Variants in MEIKIN observed in about 807,000 individuals in gnomAD.
The protein encoded by MEIKIN is meiosis-specific kinetochore protein.
chr5:131,813,575 C>T (rs1358005098), intron 12 of MEIKIN, among the ~76,000 whole-genome samples: 6 of 151,840 alleles, frequency 4.0e-5, no homozygotes, highest in Non-Finnish European at 5.9e-5. Context: ...TACAGGCACC[C>T]GCCACCATGC....
chr5:131,872,785 C>T (rs1329338364), intron 9 of MEIKIN, among the ~76,000 whole-genome samples: 2 of 152,228 alleles, frequency 1.3e-5, no homozygotes, highest in Non-Finnish European at 2.9e-5. Flanking sequence ...GCCCATCAGA[C>T]TAACAGCTGA....
chr5:131,877,510 G>C (rs567176033), intron 9 of MEIKIN, among the ~76,000 whole-genome samples: 12 of 152,248 alleles, frequency 7.9e-5, no homozygotes, highest in Non-Finnish European at 1.6e-4. Flanking sequence ...ATTTGTGGCA[G>C]TGTGTGCCTG....
At chr5:131,848,161 T>C (rs1349860802) in intron 11 of MEIKIN, among the ~76,000 whole-genome samples, 1 of 151,730 alleles carries the variant, frequency 6.6e-6, no homozygotes, top group Non-Finnish European at 1.5e-5. Flanking sequence ...AGCAGAAGGA[T>C]GGAAATAATA....
At chr5:131,836,231 C>CT (rs548895223) in intron 11 of MEIKIN, among the ~76,000 whole-genome samples, 2 of 152,110 alleles carry the variant, frequency 1.3e-5, no homozygotes, top group African/African-American at 2.4e-5. Context: ...TGATCTCATT[C>CT]TTTTTTTATG....
chr5:131,836,709 G>A (rs1396398685), intron 11 of MEIKIN, among the ~76,000 whole-genome samples: 2 of 149,042 alleles, frequency 1.3e-5, no homozygotes, highest in South Asian at 2.1e-4. Flanking sequence ...TCTTAAAAGT[G>A]TCTGTGCATG....
intron 8 of MEIKIN, among the ~76,000 whole-genome samples, chr5:131,891,309 C>G (rs2149634209): frequency 6.6e-6 from 1 of 152,246 alleles, no homozygotes; most frequent in African/African-American, 2.4e-5. Flanking sequence ...CTAATGTTGT[C>G]AGTGGGTTGT....
chr5:131,842,288 T>A (rs2149611691), intron 11 of MEIKIN, among the ~76,000 whole-genome samples: 1 of 152,314 alleles, frequency 6.6e-6, no homozygotes, highest in South Asian at 2.1e-4. Context: ...ATGTGGATGC[T>A]TTTTATTTCT....
chr5:131,866,312 G>T (rs1262486473), intron 9 of MEIKIN, among the ~76,000 whole-genome samples: 1 of 152,218 alleles, frequency 6.6e-6, no homozygotes, highest in African/African-American at 2.4e-5. Flanking sequence ...GGTGTACCGG[G>T]CTGGGTGATC....
intron 11 of MEIKIN, among the ~76,000 whole-genome samples, chr5:131,840,998 A>C (rs1749898667): frequency 6.6e-6 from 1 of 151,768 alleles, no homozygotes; most frequent in African/African-American, 2.4e-5. Flanking sequence ...TCAGTTTTTG[A>C]AGTTGCTGTT....
rs1363867215 is a variant in MEIKIN, at chr5:131,838,541, CAG to C, written c.975+12721_975+12722del. Among the ~76,000 whole-genome samples, 18 of 148,492 alleles carry C rather than the reference CAG, an allele frequency of 1.2e-4. No individual in the cohort carries two copies. In the Admixed American group the frequency reaches 1.2e-3, roughly 10 times the overall value. On this transcript the variant is annotated intron_variant, in intron 11 of 12. Coordinates refer to ENST00000442687, the MANE Select transcript of MEIKIN (RefSeq NM_001303622.2). ...TTCAGGAAATCATTATTCATCTGTT[CAG>C]AGATTCAATTTCTTCCTGGTTCAGG... is the stretch of plus-strand genomic sequence containing the variant.
intron 8 of MEIKIN, among the ~76,000 whole-genome samples, chr5:131,897,396 G>C (rs182871385): frequency 6.6e-6 from 1 of 152,124 alleles, no homozygotes; most frequent in African/African-American, 2.4e-5. Context: ...GTATCTTTGT[G>C]GTGTTCTCTG....
rs1053159325 is a variant in MEIKIN, at chr5:131,807,264, G to T, written c.1100-6C>A. The T allele has an allele frequency of 1.8e-5, 7 of 383,644 alleles. No individual in the cohort carries two copies. Among genetic ancestry groups the T allele is most frequent in the African/African-American group, 1.5e-4 (7 of 47,784 alleles). The allele number at this position is 383,644 out of a possible 1,614,324, so 23.8% of individuals were successfully genotyped here. ...TGCCATTTTTATTATGATATCTGGA[G>T]AAAAAAAAATAACAATAGATTACTT... On this transcript the variant is annotated splice_region_variant and splice_polypyrimidine_tract_variant and intron_variant, in intron 12 of 12. Transcript: ENST00000442687.
At position 131,807,149 on chromosome 5, in the gene MEIKIN, A is replaced by G; in HGVS notation, c.*87T>C. On this transcript the variant is annotated 3_prime_UTR_variant, in exon 13 of 13. Transcript: ENST00000442687. ...GAGAATTTTTAATTTTTAATTTCAT[A>G]TAATTTCAGGCAGACATTCTGCTTT... The G allele has an allele frequency of 1.3e-5, 5 of 398,206 alleles. No individual in the cohort carries two copies. The East Asian group carries it at 1.8e-4, about 14-fold the overall frequency. 24.7% of individuals were successfully genotyped at this position (398,206 alleles called of 1,614,324 possible).
intron 11 of MEIKIN, among the ~76,000 whole-genome samples, chr5:131,827,857 T>C (rs962895179): frequency 3.3e-5 from 5 of 152,048 alleles, no homozygotes; most frequent in Admixed American, 3.3e-4. Context: ...AAATTGACCA[T>C]GTATTAGGCT....
intron 7 of MEIKIN, among the ~76,000 whole-genome samples, chr5:131,914,567 G>A (rs1479591405): frequency 3.1e-5 from 2 of 64,812 alleles, no homozygotes; most frequent in Non-Finnish European, 6.1e-5. Context: ...AGGGAAGGGG[G>A]AAGAGAAGGG....
chr5:131,926,067 C>T (rs1301320263), intron 5 of MEIKIN, among the ~76,000 whole-genome samples: 1 of 151,940 alleles, frequency 6.6e-6, no homozygotes, highest in African/African-American at 2.4e-5. Flanking sequence ...TTTTTGTTGC[C>T]TAATTGCTGT....
Position 131,893,160 on chromosome 5 carries a change from T to C in MEIKIN, c.704-14112A>G, listed in dbSNP as rs191314153. 4.8e-3 allele frequency among the ~76,000 whole-genome samples: 712 copies of C among 148,838 alleles called. 9 individuals carry two copies. Among genetic ancestry groups the C allele is most frequent in the African/African-American group, 0.016 (676 of 41,394 alleles). On this transcript the variant is annotated intron_variant, in intron 8 of 12. Coordinates refer to ENST00000442687, the MANE Select transcript of MEIKIN (RefSeq NM_001303622.2). ...TAAGTCTGCAGAGGTTACTGCTGCG[T>C]TTTGTTTGTCTGTGCCCTGTCCCCA...
chr5:131,928,231 T>C (rs1015982863), intron 5 of MEIKIN, among the ~76,000 whole-genome samples: 1 of 151,882 alleles, frequency 6.6e-6, no homozygotes, highest in Non-Finnish European at 1.5e-5. Flanking sequence ...AGTCACTCTG[T>C]GTTTTGATTG....
intron 4 of MEIKIN, among the ~76,000 whole-genome samples, chr5:131,937,596 G>A (rs1751802497): frequency 6.6e-6 from 1 of 151,642 alleles, no homozygotes; most frequent in Admixed American, 6.6e-5. Context: ...ATACCTTCTT[G>A]GTGTGTGGAT....
Sources: allele counts gnomAD v4.1 joint callset (sites outside exome capture counted in the v4.1 genomes callset), GRCh38; gene constraint gnomAD v4.1.1; transcripts MANE v1.5; gene names NCBI Gene and HGNC (gene_info 2026-07-23, HGNC 2026-07-21).